The following SLIT3 variants were observed in gnomAD, a reference collection of about 807,000 sequenced individuals.
SLIT3 encodes the protein slit homolog 3 protein.
Under a neutral mutation model 184.0 loss-of-function variants are expected in SLIT3, and 68 were observed. That is an observed-to-expected ratio of 0.37 (90% CI 0.30 to 0.45). The LOEUF is 0.45. Ranked by LOEUF, SLIT3 falls within the 20% of genes least tolerant of loss-of-function variation. SLIT3 has a pLI of 1.00. For synonymous variants in SLIT3, 831 were observed against 828.6 expected (o/e 1.00, Z -0.05); for missense variants, 1,707 against 2,026.0 (o/e 0.84, Z 3.02).
intron 1 of SLIT3, among the ~76,000 whole-genome samples, chr5:169,259,251 GT>G (rs35681496): frequency 0.06 from 9,121 of 152,160 alleles, 582 homozygotes; most frequent in African/African-American, 0.16. Flanking sequence ...TAGAGACGGG[GT>G]TTCACCAGGT....
At position 168,669,775 on chromosome 5, in the gene SLIT3, A is replaced by C. The variant is rs761073319; in HGVS notation, c.4336+8T>G. The C allele has an allele frequency of 5.6e-6, 9 of 1,612,344 alleles. No homozygotes were observed. The highest frequency in any genetic ancestry group is 7.6e-6 in the Non-Finnish European group (9 of 1,179,426). On this transcript the variant is annotated splice_region_variant and intron_variant, in intron 35 of 35. Coordinates refer to ENST00000519560, the MANE Select transcript of SLIT3 (RefSeq NM_003062.4). ...ACTTCCTCCCTCCCACAGGCACAGTAGACCCACCTTGTTGGCAGTGCTCGC... is the reference window on the plus strand; with the variant it reads ...ACTTCCTCCCTCCCACAGGCACAGTCGACCCACCTTGTTGGCAGTGCTCGC...
rs187158729 is a variant in SLIT3, at chr5:169,229,064, C to T, written c.341+15641G>A. On this transcript the variant is annotated intron_variant, in intron 3 of 35. Coordinates refer to ENST00000519560, the MANE Select transcript of SLIT3 (RefSeq NM_003062.4). ...ACCTCCACATCTTGGAGAAGCCGTG[C>T]GCACACACACAGATTGAGAGAGAGA... 1.1e-3 allele frequency among the ~76,000 whole-genome samples: 171 copies of T among 152,118 alleles called. 1 individual carries two copies. The highest frequency in any genetic ancestry group is 1.7e-3 in the Non-Finnish European group (115 of 67,996).
chr5:169,143,095 C>T (rs1761799823), intron 4 of SLIT3, among the ~76,000 whole-genome samples: 1 of 152,160 alleles, frequency 6.6e-6, no homozygotes, highest in Non-Finnish European at 1.5e-5. Flanking sequence ...TGTGTCTCTG[C>T]CACTTTAACC....
intron 4 of SLIT3, among the ~76,000 whole-genome samples, chr5:169,112,505 G>A (rs187979271): frequency 1.6e-4 from 25 of 152,186 alleles, no homozygotes; most frequent in African/African-American, 4.8e-4. Context: ...AGGCTCTGGG[G>A]TCAGCATTCC....
chr5:168,865,711 T>C (rs984003338), intron 5 of SLIT3, among the ~76,000 whole-genome samples: 2 of 152,214 alleles, frequency 1.3e-5, no homozygotes, highest in South Asian at 4.1e-4. Flanking sequence ...CTCAATAAAG[T>C]TGACTTAAAA....
At chr5:169,072,550 T>A (rs1253072235) in intron 4 of SLIT3, among the ~76,000 whole-genome samples, 2 of 152,068 alleles carry the variant, frequency 1.3e-5, no homozygotes, top group Non-Finnish European at 2.9e-5. Context: ...GGCTGAAGAG[T>A]CTCAGGTGGA....
chr5:169,193,424 C>T (rs2113470259), intron 4 of SLIT3, 55 bp downstream of exon 4: 3 of 1,468,486 alleles, frequency 2.0e-6, no homozygotes, highest in East Asian at 2.3e-5. Flanking sequence ...ACATCCTCCA[C>T]ATCACCCAAG....
rs185415218 is a variant in SLIT3, at chr5:168,866,524, A to G, written c.485+16741T>C. Among the ~76,000 whole-genome samples the G allele has an allele frequency of 3.0e-4, 45 of 152,360 alleles. 2 individuals carry two copies. Among genetic ancestry groups the G allele is most frequent in the Admixed American group, 2.7e-3 (42 of 15,306 alleles). ...ATCTCCACTCCTGGCCAGATGCCGA[A>G]CAGCACACAGGAAAATCCAACACAG... On this transcript the variant is annotated intron_variant, in intron 5 of 35. Coordinates refer to ENST00000519560, the MANE Select transcript of SLIT3 (RefSeq NM_003062.4).
At chr5:169,244,103 TC>T (rs1765498794) in intron 3 of SLIT3, among the ~76,000 whole-genome samples, 2 of 152,244 alleles carry the variant, frequency 1.3e-5, no homozygotes, top group African/African-American at 4.8e-5. Context: ...TTTTCCTCTT[TC>T]CCTCTCATTG....
chr5:169,266,356 G>T (rs1220541908), intron 1 of SLIT3, among the ~76,000 whole-genome samples: 3 of 152,190 alleles, frequency 2.0e-5, no homozygotes, highest in African/African-American at 4.8e-5. Context: ...CAAACAACAA[G>T]ATTAAATTTC....
chr5:169,083,940 C>T (rs534279680), intron 4 of SLIT3, among the ~76,000 whole-genome samples: 2 of 152,334 alleles, frequency 1.3e-5, no homozygotes, highest in African/African-American at 4.8e-5. Flanking sequence ...TGCTCTCTCA[C>T]AAGCCCTGTA....
intron 4 of SLIT3, among the ~76,000 whole-genome samples, chr5:169,157,106 T>C (rs181759723): frequency 1.3e-5 from 2 of 151,968 alleles, no homozygotes; most frequent in African/African-American, 4.8e-5. Flanking sequence ...CCTGCTGGAG[T>C]AGTATCAGAG....
At chr5:169,067,624 C>T (rs991984692) in intron 4 of SLIT3, among the ~76,000 whole-genome samples, 4 of 152,172 alleles carry the variant, frequency 2.6e-5, no homozygotes, top group African/African-American at 9.7e-5. Flanking sequence ...CTTGGGCATC[C>T]TGACTTATGC....
intron 31 of SLIT3, among the ~76,000 whole-genome samples, chr5:168,685,233 GCCA>G (rs1300842020): frequency 3.3e-5 from 5 of 152,206 alleles, no homozygotes; most frequent in Admixed American, 3.3e-4. Flanking sequence ...ATAGGCATGA[GCCA>G]CCACACCTGG....
chr5:169,279,412 A>G (rs1766922023), intron 1 of SLIT3, among the ~76,000 whole-genome samples: 1 of 152,164 alleles, frequency 6.6e-6, no homozygotes, highest in African/African-American at 2.4e-5. Context: ...GCCCCATTTT[A>G]CGGAGGAGGA....
chr5:169,240,415 T>A (rs988465520), intron 3 of SLIT3, among the ~76,000 whole-genome samples: 1 of 151,782 alleles, frequency 6.6e-6, no homozygotes, highest in Admixed American at 6.6e-5. Context: ...CAGGCTATGT[T>A]TTTAGACACA....
At chr5:169,026,420 C>T (rs1310204591) in intron 4 of SLIT3, 1 of 152,164 alleles carries the variant, frequency 6.6e-6, no homozygotes, top group African/African-American at 2.4e-5. Context: ...ATGTCTGCTC[C>T]ATCTTTGCAG....
At chr5:168,765,118 G>A (rs915827731) in intron 14 of SLIT3, among the ~76,000 whole-genome samples, 2 of 152,204 alleles carry the variant, frequency 1.3e-5, no homozygotes, top group Admixed American at 1.3e-4. Context: ...AGAAAGACAG[G>A]AGGAAGAACA....
chr5:169,235,743 A>C (rs1364882399), intron 3 of SLIT3, among the ~76,000 whole-genome samples: 4 of 152,316 alleles, frequency 2.6e-5, no homozygotes, highest in South Asian at 2.1e-4. Flanking sequence ...TTTTTTATGA[A>C]GTTTCTCAAT....
Sources: allele counts gnomAD v4.1 joint callset (sites outside exome capture counted in the v4.1 genomes callset), GRCh38; gene constraint gnomAD v4.1.1; transcripts MANE v1.5; gene names NCBI Gene and HGNC (gene_info 2026-07-23, HGNC 2026-07-21).